RNLS: variants seen among roughly 807,000 people sequenced by gnomAD.
The protein encoded by RNLS is renalase.
A neutral mutation model predicts 39.8 loss-of-function variants in RNLS; 39 were observed. The observed-to-expected ratio is 0.98, with a 90% CI of 0.76 to 1.28. The LOEUF (loss-of-function observed/expected upper bound fraction) is 1.28. Ranked by LOEUF, RNLS falls within the 50% of genes most tolerant of loss-of-function variation. RNLS has a pLI of 0.00. For missense variants in RNLS, 410 were observed against 413.3 expected, an observed-to-expected ratio of 0.99 and a Z score of 0.07; for synonymous variants, 147 against 150.7, an observed-to-expected ratio of 0.98 and a Z score of 0.18.
At chr10:88,319,600 A>G (rs894829393) in intron 5 of RNLS, among the ~76,000 whole-genome samples, 2 of 152,106 alleles carry the variant, frequency 1.3e-5, no homozygotes, top group African/African-American at 4.8e-5. Context: ...CCAAACAATT[A>G]GAACTTCTGG....
the RNLS span, among the ~76,000 whole-genome samples, chr10:88,245,540 A>G: frequency 6.6e-6 from 1 of 152,206 alleles, no homozygotes; most frequent in Non-Finnish European, 1.5e-5. Context: ...GAGTTAAAGT[A>G]TCATCTGCAA....
intron 4 of RNLS, among the ~76,000 whole-genome samples, chr10:88,485,194 G>C (rs1844418941): frequency 6.6e-6 from 1 of 151,920 alleles, no homozygotes; most frequent in African/African-American, 2.4e-5. Flanking sequence ...AAACTTGGAA[G>C]AATGTCTGGT....
intron 4 of RNLS, among the ~76,000 whole-genome samples, chr10:88,458,110 C>T (rs960152614): frequency 6.6e-5 from 10 of 152,216 alleles, no homozygotes; most frequent in Non-Finnish European, 1.3e-4. Context: ...TCCAGGACAT[C>T]CATCATGGGT....
In RNLS at chr10:88,551,922, G is replaced by A. The variant is rs35583284; in HGVS notation, c.526+20981C>T. 8.5e-3 allele frequency among the ~76,000 whole-genome samples: 1,294 copies of A among 152,252 alleles called. 27 individuals are homozygous for A. The highest frequency in any genetic ancestry group is 0.078 in the East Asian group (401 of 5,172). On this transcript the variant is annotated intron_variant, in intron 4 of 6. Coordinates refer to ENST00000331772, the MANE Select transcript of RNLS (RefSeq NM_001031709.3). ...CTCTAGTTCTAAATTCCCATCTGAC[G>A]ATGTGTTTGAAGAAAGTGCAGCAGC...
intron 4 of RNLS, among the ~76,000 whole-genome samples, chr10:88,561,013 C>CT (rs1849157046): frequency 6.6e-6 from 1 of 152,022 alleles, no homozygotes; most frequent in African/African-American, 2.4e-5. Context: ...CTACAACTCT[C>CT]TAGCACCACA....
At chr10:88,357,073 C>G (rs1276358139) in intron 5 of RNLS, among the ~76,000 whole-genome samples, 13 of 152,206 alleles carry the variant, frequency 8.5e-5, no homozygotes, top group Admixed American at 8.5e-4. Context: ...CCCTTTGCTT[C>G]AGAGACTATA....
intron 5 of RNLS, among the ~76,000 whole-genome samples, chr10:88,329,845 T>C (rs1004651675): frequency 3.3e-5 from 5 of 151,830 alleles, no homozygotes; most frequent in African/African-American, 1.2e-4. Context: ...AACGTTCTAT[T>C]TGGCTCTTTT....
At chr10:88,540,936 T>C (rs1015841089) in intron 4 of RNLS, among the ~76,000 whole-genome samples, 1 of 150,358 alleles carries the variant, frequency 6.7e-6, no homozygotes, top group African/African-American at 2.5e-5. Flanking sequence ...GATGTCACCA[T>C]GATCAGAGTC....
At chr10:88,363,564 C>A (rs1196146221) in intron 4 of RNLS, among the ~76,000 whole-genome samples, 1 of 152,090 alleles carries the variant, frequency 6.6e-6, no homozygotes, top group Non-Finnish European at 1.5e-5. Flanking sequence ...AGCAGAGGGA[C>A]CACACCTTAG....
At chr10:88,412,318 A>G (rs913074742) in intron 4 of RNLS, among the ~76,000 whole-genome samples, 4 of 152,094 alleles carry the variant, frequency 2.6e-5, no homozygotes, top group African/African-American at 9.7e-5. Flanking sequence ...ATCCTTAAAA[A>G]CAACAGTGTA....
chr10:88,412,331 CG>C (rs1373313710), intron 4 of RNLS, among the ~76,000 whole-genome samples: 2 of 151,912 alleles, frequency 1.3e-5, no homozygotes, highest in Non-Finnish European at 2.9e-5. Context: ...ACAGTGTAAG[CG>C]GGGGTGTTGA....
the RNLS span, among the ~76,000 whole-genome samples, chr10:88,204,995 A>G: frequency 2.0e-5 from 3 of 152,176 alleles, no homozygotes; most frequent in Admixed American, 6.6e-5. Context: ...CAGTGCGGTA[A>G]GAAGAGATGC....
chr10:88,501,176 A>C (rs1845463318), intron 4 of RNLS, among the ~76,000 whole-genome samples: 2 of 152,030 alleles, frequency 1.3e-5, no homozygotes, highest in African/African-American at 4.8e-5. Flanking sequence ...AACAATACTA[A>C]TTTAACTCCA....
intron 4 of RNLS, among the ~76,000 whole-genome samples, chr10:88,418,756 G>C (rs913082184): frequency 1.3e-5 from 2 of 152,210 alleles, no homozygotes; most frequent in Non-Finnish European, 2.9e-5. Flanking sequence ...ACCACATCTC[G>C]GGGTATGTGT....
intron 4 of RNLS, among the ~76,000 whole-genome samples, chr10:88,388,775 CT>C (rs1383218881): frequency 6.6e-6 from 1 of 152,088 alleles, no homozygotes; most frequent in Non-Finnish European, 1.5e-5. Context: ...TGACTTCCCC[CT>C]ACTAGTAATC....
chr10:88,192,636 C>A, the RNLS span, among the ~76,000 whole-genome samples: 3 of 152,138 alleles, frequency 2.0e-5, no homozygotes, highest in African/African-American at 7.2e-5. Flanking sequence ...ACCCTGAATG[C>A]GTTCATGGAA....
chr10:88,219,235 T>C, the RNLS span, among the ~76,000 whole-genome samples: 1 of 152,302 alleles, frequency 6.6e-6, no homozygotes, highest in South Asian at 2.1e-4. Flanking sequence ...GTTATTTGAG[T>C]AAATCACAGG....
intron 6 of RNLS, among the ~76,000 whole-genome samples, chr10:88,296,134 A>T (rs1261577747): frequency 6.6e-6 from 1 of 152,100 alleles, no homozygotes; most frequent in African/African-American, 2.4e-5. Context: ...AGGGTAAAAA[A>T]CCAGCTCCTT....
exon 7 of RNLS, chr10:88,275,004 C>T (rs1842758920): frequency 6.2e-7 from 1 of 1,613,432 alleles, no homozygotes; most frequent in Admixed American, 1.7e-5. Flanking sequence ...GCTCTTCGCA[C>T]ATCCTAGAAT....
Sources: allele counts gnomAD v4.1 joint callset (sites outside exome capture counted in the v4.1 genomes callset), GRCh38; gene constraint gnomAD v4.1.1; transcripts MANE v1.5; gene names NCBI Gene and HGNC (gene_info 2026-07-23, HGNC 2026-07-21).